Variants in PGCKA1 observed in about 807,000 individuals in gnomAD.
PGCKA1 encodes PDCD10 and GCKIII kinases associated 1.
At chr4:37,551,189 T>C in the PGCKA1 span, among the ~76,000 whole-genome samples, 2 of 152,166 alleles carry the variant, frequency 1.3e-5, no homozygotes, top group African/African-American at 4.8e-5. Context: ...GCCTGATCAG[T>C]GGACAGGTAG....
At chr4:37,461,770 T>C in the PGCKA1 span, among the ~76,000 whole-genome samples, 1 of 152,108 alleles carries the variant, frequency 6.6e-6, no homozygotes, top group East Asian at 1.9e-4. Flanking sequence ...GCAGTGACCC[T>C]GGTTGTTGCT....
the PGCKA1 span, among the ~76,000 whole-genome samples, chr4:37,557,655 G>T: frequency 1.3e-5 from 2 of 152,212 alleles, no homozygotes; most frequent in Non-Finnish European, 2.9e-5. Context: ...ATATGAATTT[G>T]CAGGGGGCAC....
chr4:37,579,937 C>G, the PGCKA1 span, among the ~76,000 whole-genome samples: 1 of 152,114 alleles, frequency 6.6e-6, no homozygotes, highest in Non-Finnish European at 1.5e-5. Context: ...TTTTCTAGAT[C>G]TTGTAGGTGT....
At chr4:37,572,214 C>T in the PGCKA1 span, among the ~76,000 whole-genome samples, 1 of 151,542 alleles carries the variant, frequency 6.6e-6, no homozygotes. Flanking sequence ...AGGCGCCCGC[C>T]ACTACGCCCG....
chr4:37,501,638 TG>T, the PGCKA1 span, among the ~76,000 whole-genome samples: 1 of 152,164 alleles, frequency 6.6e-6, no homozygotes, highest in African/African-American at 2.4e-5. Flanking sequence ...CAGGAACTCT[TG>T]TAAGGCAGGA....
the PGCKA1 span, among the ~76,000 whole-genome samples, chr4:37,494,735 C>A: frequency 6.6e-6 from 1 of 152,174 alleles, no homozygotes; most frequent in Non-Finnish European, 1.5e-5. Context: ...AATTTACACT[C>A]CTATCAACAG....
the PGCKA1 span, among the ~76,000 whole-genome samples, chr4:37,587,668 T>C: frequency 3.3e-5 from 5 of 152,174 alleles, no homozygotes; most frequent in African/African-American, 1.2e-4. Context: ...TGTTTTGGCT[T>C]GTCTTTTTAA....
the PGCKA1 span, among the ~76,000 whole-genome samples, chr4:37,457,699 A>C: frequency 6.6e-6 from 1 of 152,246 alleles, no homozygotes; most frequent in Non-Finnish European, 1.5e-5. Context: ...CAACAACCTT[A>C]GTCCTCCAGA....
the PGCKA1 span, among the ~76,000 whole-genome samples, chr4:37,546,592 G>C: frequency 2.0e-5 from 3 of 152,258 alleles, no homozygotes; most frequent in Non-Finnish European, 2.9e-5. Context: ...GTAGCTTGCT[G>C]ATGCTCCCAG....
At chr4:37,485,833 G>C in the PGCKA1 span, among the ~76,000 whole-genome samples, 1 of 152,068 alleles carries the variant, frequency 6.6e-6, no homozygotes, top group Non-Finnish European at 1.5e-5. Context: ...CAAGCTCACT[G>C]TCCTGTCCTA....
the PGCKA1 span, among the ~76,000 whole-genome samples, chr4:37,567,696 C>T: frequency 6.6e-6 from 1 of 152,098 alleles, no homozygotes; most frequent in African/African-American, 2.4e-5. Context: ...CACGACTATA[C>T]GCTCTCCCAG....
chr4:37,519,017 G>A, the PGCKA1 span, among the ~76,000 whole-genome samples: 8 of 152,170 alleles, frequency 5.3e-5, no homozygotes, highest in African/African-American at 1.9e-4. Flanking sequence ...ACCATTTATT[G>A]AAGGGACTGT....
At chr4:37,570,867 C>T in the PGCKA1 span, among the ~76,000 whole-genome samples, 1 of 152,180 alleles carries the variant, frequency 6.6e-6, no homozygotes, top group Non-Finnish European at 1.5e-5. Flanking sequence ...TGCTGTCTCC[C>T]AAGATGGGAA....
chr4:37,463,329 A>G, the PGCKA1 span, among the ~76,000 whole-genome samples: 1 of 152,226 alleles, frequency 6.6e-6, no homozygotes, highest in Admixed American at 6.5e-5. Context: ...TTAATGCTAT[A>G]GTCATTTCCA....
chr4:37,462,537 A>G, the PGCKA1 span, among the ~76,000 whole-genome samples: 42,185 of 152,034 alleles, frequency 0.28, 6,267 homozygotes, highest in Middle Eastern at 0.35. Flanking sequence ...ATTTCATGGA[A>G]AATTGAAAAT....
chr4:37,473,805 A>G, the PGCKA1 span, among the ~76,000 whole-genome samples: 2 of 152,130 alleles, frequency 1.3e-5, no homozygotes, highest in African/African-American at 4.8e-5. Context: ...GCTCAAACAT[A>G]CATGATACCC....
chr4:37,565,523 T>C, the PGCKA1 span, among the ~76,000 whole-genome samples: 1 of 152,138 alleles, frequency 6.6e-6, no homozygotes, highest in Non-Finnish European at 1.5e-5. Flanking sequence ...TCCCCCAGGC[T>C]CTTCCACAGA....
chr4:37,592,117 G>A, the PGCKA1 span, among the ~76,000 whole-genome samples: 1 of 151,260 alleles, frequency 6.6e-6, no homozygotes, highest in African/African-American at 2.4e-5. Flanking sequence ...CTGAGGCAAG[G>A]AGAATCACTT....
At chr4:37,553,591 A>G in the PGCKA1 span, among the ~76,000 whole-genome samples, 2 of 152,148 alleles carry the variant, frequency 1.3e-5, no homozygotes, top group African/African-American at 2.4e-5. Context: ...TAACACAAAG[A>G]TAGAAAATAA....
Sources: allele counts gnomAD v4.1 joint callset (sites outside exome capture counted in the v4.1 genomes callset), GRCh38; gene constraint gnomAD v4.1.1; transcripts MANE v1.5; gene names NCBI Gene and HGNC (gene_info 2026-07-23, HGNC 2026-07-21).